ZNF121: variants seen among roughly 807,000 people sequenced by gnomAD.
ZNF121 encodes the protein zinc finger protein 121 (clone ZHC32).
Under a neutral mutation model 2.4 loss-of-function variants are expected in ZNF121, and 1 was observed. The ratio of observed to expected loss-of-function variants is 0.41; its 90% CI spans 0.15 to 1.94. The LOEUF (loss-of-function observed/expected upper bound fraction) is 1.94. ZNF121 is among the 30% of genes most tolerant of loss of function. The pLI, the probability that ZNF121 is intolerant of heterozygous loss-of-function variation, is 0.30. For missense variants in ZNF121, 369 were observed against 466.3 expected (o/e 0.79, Z 1.92); for synonymous variants, 173 against 158.6 (o/e 1.09, Z -0.68).
chr19:9,566,550 A>G lies in ZNF121; in HGVS notation c.563T>C (p.Val188Ala), dbSNP rs368444441. 1 of 1,614,182 alleles carries G rather than the reference A, an allele frequency of 6.2e-7. No individual in the cohort carries two copies. The change falls in exon 4 of 4, where the codon GTT (valine) becomes GCT (alanine). Residue 188 changes from valine (V) to alanine (A), a missense_variant. Around this residue, in one of 4 missense-constraint regions of ZNF121, gnomAD observed 68 missense variants for 105.5 expected, o/e 0.64. Transcript: ENST00000320451. ...TCCAGTATGAATTCTTACATGTTCA[A>G]CTAGGTGTGAAGAAACAGTGAAGCA... ...GKCFTVSSHL[V>A]EHVRIHTGEK... is the part of the protein sequence containing the mutation.
chr19:9,567,992 G>A (rs759041254), intron 3 of ZNF121, 103 bp downstream of exon 3: 161 of 1,269,546 alleles, frequency 1.3e-4, no homozygotes, highest in Non-Finnish European at 1.7e-4. Flanking sequence ...CCTCCTGCTT[G>A]AGTAAATGTT....
chr19:9,566,342 T>C lies in ZNF121; in HGVS notation c.771A>G (p.Glu257=). The change falls in exon 4 of 4, where the codon GAA becomes GAG. Residue 257 remains glutamate (E), a synonymous_variant. Coordinates refer to ENST00000320451, the MANE Select transcript of ZNF121 (RefSeq NM_001008727.5). ...TGAAGGATTTTCCACATACCTTACA[T>C]TCAAAGGGCTTCTCCTCTGTGTGAG... ...FKTHTEEKPF[E]CKVCGKSFRS... The C allele has an allele frequency of 6.2e-7, 1 of 1,614,002 alleles. No homozygotes were observed.
chr19:9,564,619 G>T lies in ZNF121; in HGVS notation c.*1321C>A, dbSNP rs1370308488. On this transcript the variant is annotated 3_prime_UTR_variant, in exon 4 of 4. Coordinates refer to ENST00000320451, the MANE Select transcript of ZNF121 (RefSeq NM_001008727.5). ...AGGCTGCTTTGTATAGATAAGCAAAGAAAGTGGTTTCCTGAAATGAAATCT... is the reference window on the plus strand; with the variant it reads ...AGGCTGCTTTGTATAGATAAGCAAATAAAGTGGTTTCCTGAAATGAAATCT... 1.3e-5 allele frequency: 2 copies of T among 152,156 alleles called. No individual in the cohort carries two copies. Among genetic ancestry groups the T allele is most frequent in the African/African-American group, 4.8e-5 (2 of 41,428 alleles). 9.4% of individuals were successfully genotyped at this position (152,156 alleles called of 1,614,324 possible).
intron 3 of ZNF121, 102 bp downstream of exon 3, chr19:9,567,993 A>C (rs1365531971): frequency 2.4e-6 from 3 of 1,274,970 alleles, no homozygotes; most frequent in Non-Finnish European, 3.2e-6. Flanking sequence ...CTCCTGCTTG[A>C]GTAAATGTTA....
chr19:9,576,719 C>T (rs1418882617), intron 1 of ZNF121, among the ~76,000 whole-genome samples: 2 of 151,746 alleles, frequency 1.3e-5, no homozygotes, highest in Non-Finnish European at 2.9e-5. Flanking sequence ...AATCAACCAA[C>T]CTTTGGCTAG....
At chr19:9,567,987 T>G in intron 3 of ZNF121, 108 bp downstream of exon 3, 1 of 1,239,408 alleles carries the variant, frequency 8.1e-7, no homozygotes, top group Non-Finnish European at 1.1e-6. Context: ...ACATTCCTCC[T>G]GCTTGAGTAA....
Position 9,565,383 on chromosome 19 carries a change from A to AAAAAAAAAC in ZNF121, c.*556_*557insGTTTTTTTT, listed in dbSNP as rs2074123345. 6.9e-6 allele frequency: 1 copy of AAAAAAAAAC among 145,820 alleles called. No individual in the cohort carries two copies. The highest frequency in any genetic ancestry group is 2.6e-5 in the African/African-American group (1 of 38,180). 9.0% of individuals were successfully genotyped at this position (145,820 alleles called of 1,614,324 possible). A position where few individuals can be genotyped will look rare whatever the true frequency, so the allele number is the denominator to read the frequency against. On this transcript the variant is annotated 3_prime_UTR_variant, in exon 4 of 4. Transcript: ENST00000320451. ...AAAAAAAAAAAAAAAAAAAAAAAAAAAAAAGGCCAGGAGCAGTGGCTCACT... is the reference window on the plus strand; with the variant it reads ...AAAAAAAAAAAAAAAAAAAAAAAAAAAAAAAAAACAAAAGGCCAGGAGCAGTGGCTCACT...
At chr19:9,582,630 T>C (rs1479494722) in intron 1 of ZNF121, among the ~76,000 whole-genome samples, 1 of 151,774 alleles carries the variant, frequency 6.6e-6, no homozygotes, top group Non-Finnish European at 1.5e-5. Flanking sequence ...TCTCTTCACA[T>C]GGACGCACCT....
chr19:9,579,681 G>A (rs2074235572), intron 1 of ZNF121, among the ~76,000 whole-genome samples: 1 of 152,106 alleles, frequency 6.6e-6, no homozygotes, highest in South Asian at 2.1e-4. Context: ...AAAAAAGAGA[G>A]GTTGATTCAT....
chr19:9,577,366 C>A (rs1170652903), intron 1 of ZNF121, among the ~76,000 whole-genome samples: 3 of 151,932 alleles, frequency 2.0e-5, no homozygotes, highest in African/African-American at 7.3e-5. Context: ...AGGAGAATCA[C>A]TTGAACCCGG....
intron 1 of ZNF121, among the ~76,000 whole-genome samples, chr19:9,573,994 G>A (rs1477713440): frequency 6.6e-6 from 1 of 150,416 alleles, no homozygotes. Flanking sequence ...CTACAAATGT[G>A]CACCACAATG....
At chr19:9,567,154 TA>T in intron 3 of ZNF121, 45 bp from the exon 4 acceptor site, 1 of 1,514,196 alleles carries the variant, frequency 6.6e-7, no homozygotes, top group South Asian at 1.3e-5. Context: ...TTTTCAGATT[TA>T]TCAACAGATT....
Position 9,566,779 on chromosome 19 carries a change from C to T in ZNF121, c.334G>A (p.Gly112Arg). The change falls in exon 4 of 4, where the codon GGA becomes AGA. Residue 112 changes from glycine to arginine, a missense_variant. Coordinates refer to ENST00000320451, the MANE Select transcript of ZNF121 (RefSeq NM_001008727.5). ...HLQANRITHN[G>R]ETLYEQKQCG... is the part of the protein sequence containing the mutation. ...TGCTTCTGTTCATAGAGTGTTTCTC[C>T]ATTGTGAGTTATCCTATTTGCCTGA... 1 of 1,614,146 alleles carries T rather than the reference C, an allele frequency of 6.2e-7. No homozygotes were observed. Among genetic ancestry groups the T allele is most frequent in the African/African-American group, 1.3e-5 (1 of 75,040 alleles).
chr19:9,582,748 C>CAA (rs78215890), intron 1 of ZNF121, among the ~76,000 whole-genome samples: 117 of 52,494 alleles, frequency 2.2e-3, no homozygotes, highest in African/African-American at 7.1e-3. Flanking sequence ...GACTCTGTCT[C>CAA]AAAAAAAAAA....
At position 9,560,580 on chromosome 19, in the gene ZNF121, T is replaced by C. The variant is rs1249101477; in HGVS notation, c.*5360A>G. On this transcript the variant is annotated 3_prime_UTR_variant, in exon 4 of 4. Coordinates refer to ENST00000320451, the MANE Select transcript of ZNF121 (RefSeq NM_001008727.5). ...GTTAGATACCCCATATAAGTGGAAA[T>C]GGGTGTATTTGTCCTTTCGGAACTG... 2 of 152,200 alleles carry C rather than the reference T, an allele frequency of 1.3e-5. No individual in the cohort carries two copies. The highest frequency in any genetic ancestry group is 1.5e-5 in the Non-Finnish European group (1 of 68,030). 9.4% of individuals were successfully genotyped at this position (152,200 alleles called of 1,614,324 possible). A position where few individuals can be genotyped will look rare whatever the true frequency, so the allele number is the denominator to read the frequency against.
chr19:9,579,789 T>C (rs566143089), intron 1 of ZNF121, among the ~76,000 whole-genome samples: 100 of 152,312 alleles, frequency 6.6e-4, no homozygotes, highest in African/African-American at 2.3e-3. Context: ...TCAAAACAGC[T>C]AAGAGAATAA....
chr19:9,581,814 CATT>C, intron 1 of ZNF121, among the ~76,000 whole-genome samples: 2 of 152,242 alleles, frequency 1.3e-5, no homozygotes, highest in Admixed American at 1.3e-4. Context: ...AAAAAGCAGA[CATT>C]AGATGACATT....
intron 1 of ZNF121, among the ~76,000 whole-genome samples, chr19:9,582,133 T>C (rs1397912372): frequency 6.6e-6 from 1 of 152,084 alleles, no homozygotes; most frequent in Non-Finnish European, 1.5e-5. Context: ...TGGTGAAACC[T>C]TGTCTCTACT....
rs1436696226 is a variant in ZNF121, at chr19:9,566,473, C to T, written c.640G>A (p.Gly214Ser). 2 of 1,613,816 alleles carry T rather than the reference C, an allele frequency of 1.2e-6. No individual in the cohort carries two copies. The highest frequency in any genetic ancestry group is 3.3e-5 in the Admixed American group (2 of 59,978). The change falls in exon 4 of 4, where the codon GGC (glycine) becomes AGC (serine). Residue 214 changes from glycine to serine, a missense_variant. Transcript: ENST00000320451. ...TGTATTCGTACATGTTTAGTAAGGC[C>T]TGAGCGCCCAGCGAAGGCTCTTCCA... ...ECGRAFAGRS[G>S]LTKHVRIHTG...
Sources: allele counts gnomAD v4.1 joint callset (sites outside exome capture counted in the v4.1 genomes callset), GRCh38; gene constraint gnomAD v4.1.1; regional missense constraint gnomAD v4.1.1; transcripts MANE v1.5; gene names NCBI Gene and HGNC (gene_info 2026-07-23, HGNC 2026-07-21).